Variants in ARL2 observed in about 807,000 individuals in gnomAD.
The protein encoded by ARL2 is ARF like GTPase 2.
Under a neutral mutation model 22.0 loss-of-function variants are expected in ARL2, and 11 were observed. That is an observed-to-expected ratio of 0.50 (90% CI 0.31 to 0.83). ARL2 has a LOEUF of 0.83. Ranked by LOEUF, ARL2 falls within the 40% of genes least tolerant of loss-of-function variation. The pLI, the probability that ARL2 is intolerant of heterozygous loss-of-function variation, is 0.04. For synonymous variants in ARL2, 111 were observed against 100.8 expected (o/e 1.10, Z -0.61); for missense variants, 216 against 243.2 (o/e 0.89, Z 0.74).
chr11:65,019,234 T>G, intron 3 of ARL2: 1 of 193,338 alleles, frequency 5.2e-6, no homozygotes, highest in Non-Finnish European at 1.1e-5. Context: ...AGCAAGACCC[T>G]GTCTCAAAAA....
At position 65,017,487 on chromosome 11, in the gene ARL2, C is replaced by T. The variant is rs144781422; in HGVS notation, c.66-877C>T. Among the ~76,000 whole-genome samples, 42 of 152,200 alleles carry T rather than the reference C, an allele frequency of 2.8e-4. No homozygotes were observed. In the East Asian group the frequency reaches 7.3e-3, roughly 27 times the overall value. On this transcript the variant is annotated intron_variant, in intron 1 of 4. Transcript: ENST00000246747. The stretch of plus-strand genomic sequence containing the variant: ...CTGGGATTACAGGTGTGAGCCACCG[C>T]GCCCGGCCTATTTGCTCTTTTTAAG...
Position 65,014,198 on chromosome 11 carries a change from T to A in ARL2, c.-10T>A. On this transcript the variant is annotated 5_prime_UTR_variant, in exon 1 of 5. Coordinates refer to ENST00000246747, the MANE Select transcript of ARL2 (RefSeq NM_001667.4). ...GAAGAAACGGCGGCCGGGAGGGGGC[T>A]CCGGGGACCATGGGGCTCCTGACCA... 6.4e-7 allele frequency: 1 copy of A among 1,562,578 alleles called. No individual in the cohort carries two copies. The highest frequency in any genetic ancestry group is 8.6e-7 in the Non-Finnish European group (1 of 1,158,896).
intron 1 of ARL2, among the ~76,000 whole-genome samples, chr11:65,017,709 G>C (rs1221370492): frequency 6.6e-6 from 1 of 152,166 alleles, no homozygotes; most frequent in Non-Finnish European, 1.5e-5. Context: ...AGGGAAAGGT[G>C]GTCGAGTCCA....
rs1331175530 is a variant in ARL2 at position 65,014,253 on chromosome 11, G to C, written c.46G>C (p.Glu16Gln). Residue 16 changes from glutamate to glutamine, a missense_variant, in exon 1 of 5, where the codon GAG becomes CAG. Coordinates refer to ENST00000246747, the MANE Select transcript of ARL2 (RefSeq NM_001667.4). ...GAAGAAGATGAAGCAGAAAGAGCGG[G>C]AGCTGCGACTGCTCATGCTGTATCC... ...ILKKMKQKER[E>Q]LRLLMLGLDN... 5.1e-6 allele frequency: 8 copies of C among 1,575,382 alleles called. No individual in the cohort carries two copies. Among genetic ancestry groups the C allele is most frequent in the Non-Finnish European group, 6.9e-6 (8 of 1,164,528 alleles).
intron 1 of ARL2, among the ~76,000 whole-genome samples, chr11:65,014,704 C>T (rs1047536557): frequency 6.6e-6 from 1 of 152,194 alleles, no homozygotes. Context: ...CGTGTGGGCT[C>T]CGCGGATCCT....
Position 65,022,068 on chromosome 11 carries a change from C to A in ARL2, c.*213C>A, listed in dbSNP as rs1946335956. ...GCTGTCTCTCTGGCTCCTGACCTGG[C>A]CTTTGGCTACCATACCAAGAAGAGA... On this transcript the variant is annotated 3_prime_UTR_variant, in exon 5 of 5. Coordinates refer to ENST00000246747, the MANE Select transcript of ARL2 (RefSeq NM_001667.4). 1.6e-6 allele frequency: 1 copy of A among 634,350 alleles called. No individual in the cohort carries two copies. The highest frequency in any genetic ancestry group is 3.0e-5 in the Admixed American group (1 of 33,178). The allele number at this position is 634,350 out of a possible 1,614,324, so 39.3% of individuals were successfully genotyped here. A position where few individuals can be genotyped will look rare whatever the true frequency, so the allele number is the denominator to read the frequency against.
intron 3 of ARL2, 57 bp from the exon 4 acceptor site, chr11:65,020,362 G>A: frequency 7.0e-7 from 1 of 1,427,394 alleles, no homozygotes; most frequent in South Asian, 1.2e-5. Flanking sequence ...GCCATTAGAG[G>A]AGGGGTCAGG....
chr11:65,019,919 C>T (rs1946307196), intron 3 of ARL2, among the ~76,000 whole-genome samples: 1 of 152,122 alleles, frequency 6.6e-6, no homozygotes, highest in Non-Finnish European at 1.5e-5. Flanking sequence ...CAGGTCAAGG[C>T]CCAAGGGTTA....
At chr11:65,014,374 C>A in intron 1 of ARL2, 102 bp downstream of exon 1, 1 of 987,246 alleles carries the variant, frequency 1.0e-6, no homozygotes, top group Non-Finnish European at 1.4e-6. Flanking sequence ...CCGGCGCGTC[C>A]CAACTGCCCC....
chr11:65,014,456 G>C (rs1946224121), intron 1 of ARL2, among the ~76,000 whole-genome samples, 184 bp downstream of exon 1: 1 of 152,166 alleles, frequency 6.6e-6, no homozygotes, highest in South Asian at 2.1e-4. Flanking sequence ...ACTGGGGCAG[G>C]GGCCAGCTCC....
At chr11:65,019,308 T>A (rs1398125309) in intron 3 of ARL2, 2 of 175,120 alleles carry the variant, frequency 1.1e-5, no homozygotes, top group African/African-American at 4.8e-5. Context: ...TTTGGGAGGC[T>A]GAAGCGGGCG....
At position 65,018,811 on chromosome 11, in the gene ARL2, C is replaced by T; in HGVS notation, c.339+78C>T. ...AGCAGATGCCCAGAGGGGCCCGTGG[C>T]CCCAGAGGGAAACCAGAGGCAGGAT... On this transcript the variant is annotated intron_variant, in intron 3 of 4. Coordinates refer to ENST00000246747, the MANE Select transcript of ARL2 (RefSeq NM_001667.4). This position sits in a 1 kb window ranked among gnomAD's most constrained non-coding sequence, Gnocchi z 4.2. 6.3e-7 allele frequency: 1 copy of T among 1,583,822 alleles called. No individual in the cohort carries two copies. Among genetic ancestry groups the T allele is most frequent in the South Asian group, 1.1e-5 (1 of 88,158 alleles).
At position 65,022,087 on chromosome 11, in the gene ARL2, G is replaced by A. The variant is rs1056955; in HGVS notation, c.*232G>A. Reference sequence around the variant, plus strand: ...ACCTGGCCTTTGGCTACCATACCAAGAAGAGAGGGCTGGGCGGGGAGGAGC... The same window carrying A: ...ACCTGGCCTTTGGCTACCATACCAAAAAGAGAGGGCTGGGCGGGGAGGAGC... On this transcript the variant is annotated 3_prime_UTR_variant, in exon 5 of 5. Coordinates refer to ENST00000246747, the MANE Select transcript of ARL2 (RefSeq NM_001667.4). 3.0e-5 allele frequency: 17 copies of A among 573,978 alleles called. No homozygotes were observed. In the East Asian group the frequency reaches 4.5e-4, roughly 15 times the overall value. The allele number at this position is 573,978 out of a possible 1,614,324, so 35.6% of individuals were successfully genotyped here. A position where few individuals can be genotyped will look rare whatever the true frequency, so the allele number is the denominator to read the frequency against.
chr11:65,015,043 G>A (rs1417007760), intron 1 of ARL2, among the ~76,000 whole-genome samples: 1 of 151,972 alleles, frequency 6.6e-6, no homozygotes, highest in Non-Finnish European at 1.5e-5. Context: ...AGGCTTAAGT[G>A]ATCCTCCTGC....
chr11:65,021,021 C>T (rs556804563), intron 4 of ARL2, among the ~76,000 whole-genome samples: 1 of 152,328 alleles, frequency 6.6e-6, no homozygotes, highest in African/African-American at 2.4e-5. Context: ...GGCAGAGCTG[C>T]GCATGTGTTG....
chr11:65,014,675 T>C (rs2136899224), intron 1 of ARL2, among the ~76,000 whole-genome samples: 1 of 152,150 alleles, frequency 6.6e-6, no homozygotes, highest in Middle Eastern at 3.4e-3. Context: ...CCCGGGGGCG[T>C]GCGGGGTGGC....
At chr11:65,017,801 A>G (rs1946276414) in intron 1 of ARL2, among the ~76,000 whole-genome samples, 2 of 152,216 alleles carry the variant, frequency 1.3e-5, no homozygotes, top group South Asian at 4.1e-4. Context: ...AGGTAAGCAC[A>G]CCCATTAATT....
At chr11:65,021,509 G>A in intron 4 of ARL2, 1 of 520,982 alleles carries the variant, frequency 1.9e-6, no homozygotes, top group Non-Finnish European at 3.4e-6. Flanking sequence ...CATCACTAAG[G>A]GGCAGCACTG....
At chr11:65,016,273 G>GA (rs924340878) in intron 1 of ARL2, among the ~76,000 whole-genome samples, 3 of 145,062 alleles carry the variant, frequency 2.1e-5, no homozygotes, top group Non-Finnish European at 4.6e-5. Context: ...CAATTCGGGG[G>GA]GGGGGGAAAC....
Sources: gnomAD v4.1 joint callset for allele counts (sites outside exome capture counted in the v4.1 genomes callset) on GRCh38, gnomAD v4.1.1 for gene constraint, Gnocchi (gnomAD v3.1) non-coding constraint, MANE v1.5 for transcripts, NCBI Gene and HGNC (gene_info 2026-07-23, HGNC 2026-07-21) for gene names.